The following ZNF532 variants were observed in gnomAD, a reference collection of about 807,000 sequenced individuals.
ZNF532 encodes zinc finger protein 532.
A neutral mutation model predicts 89.3 loss-of-function variants in ZNF532; 22 were observed. The ratio of observed to expected loss-of-function variants is 0.25; its 90% CI spans 0.18 to 0.35. ZNF532 has a LOEUF of 0.35. ZNF532 is among the 10% of genes least tolerant of loss of function. The pLI is 1.00. For missense variants in ZNF532, 1,132 were observed against 1,643.4 expected (o/e 0.69, Z 5.38); for synonymous variants, 606 against 649.6 (o/e 0.93, Z 1.02).
rs1294029746 is a variant in ZNF532, at chr18:58,986,227, T to C, written c.*1761T>C. On this transcript the variant is annotated 3_prime_UTR_variant, in exon 10 of 10. Coordinates refer to ENST00000591808, the MANE Select transcript of ZNF532 (RefSeq NM_001375912.1). ...CTAAGTTGTATTCATAATAGCACTT[T>C]CATATGTTTCTGCATTTGAACCTTG... The C allele has an allele frequency of 1.3e-5, 2 of 152,678 alleles. No individual in the cohort carries two copies. The highest frequency in any genetic ancestry group is 2.4e-5 in the African/African-American group (1 of 41,468). The allele number at this position is 152,678 out of a possible 1,614,324, so 9.5% of individuals were successfully genotyped here. A position where few individuals can be genotyped will look rare whatever the true frequency, so the allele number is the denominator to read the frequency against.
intron 7 of ZNF532, among the ~76,000 whole-genome samples, chr18:58,962,637 C>CT (rs936180478): frequency 4.2e-4 from 62 of 149,338 alleles, no homozygotes; most frequent in African/African-American, 1.5e-3. Context: ...GAGTCTTTCT[C>CT]TGTCGCCCAG....
chr18:58,925,314 A>G (rs2061437855), intron 3 of ZNF532, among the ~76,000 whole-genome samples: 1 of 152,056 alleles, frequency 6.6e-6, no homozygotes, highest in Non-Finnish European at 1.5e-5. Flanking sequence ...ATTTTGATAG[A>G]TGTGTGGTAT....
chr18:58,962,762 C>T (rs560381840), intron 7 of ZNF532, among the ~76,000 whole-genome samples: 159 of 152,230 alleles, frequency 1.0e-3, no homozygotes, highest in Non-Finnish European at 1.7e-3. Flanking sequence ...CCACCACGCC[C>T]GGCTAATTTT....
At chr18:58,891,999 AC>A (rs1483621539) in intron 2 of ZNF532, among the ~76,000 whole-genome samples, 1 of 152,260 alleles carries the variant, frequency 6.6e-6, no homozygotes, top group Non-Finnish European at 1.5e-5. Flanking sequence ...AGGCTGGTTT[AC>A]TGTGAAATCA....
chr18:58,943,770 T>G (rs1338225064), intron 5 of ZNF532, among the ~76,000 whole-genome samples: 1 of 152,196 alleles, frequency 6.6e-6, no homozygotes, highest in Non-Finnish European at 1.5e-5. Context: ...CTATATCTTA[T>G]GGTAATGAAG....
chr18:58,940,276 T>A (rs2062874185), intron 5 of ZNF532: 1 of 152,210 alleles, frequency 6.6e-6, no homozygotes, highest in Non-Finnish European at 1.5e-5. Flanking sequence ...GTTCCTTTTT[T>A]ATAGGGTACA....
chr18:58,877,518 A>C (rs2057527707), intron 2 of ZNF532, among the ~76,000 whole-genome samples: 2 of 152,210 alleles, frequency 1.3e-5, no homozygotes. Context: ...TTCAGTTTTA[A>C]CTTCCCCATC....
chr18:58,877,715 G>A (rs865796268), intron 2 of ZNF532, among the ~76,000 whole-genome samples: 9 of 152,158 alleles, frequency 5.9e-5, no homozygotes, highest in Non-Finnish European at 8.8e-5. Context: ...TGACAGTATC[G>A]GCTCTGGGCC....
intron 2 of ZNF532, among the ~76,000 whole-genome samples, chr18:58,902,805 C>G (rs2059685740): frequency 6.6e-6 from 1 of 152,034 alleles, no homozygotes; most frequent in Admixed American, 6.6e-5. Flanking sequence ...GGTGATCCTT[C>G]TAGTGGCCGA....
At position 58,940,963 on chromosome 18, in the gene ZNF532, T is replaced by TTCTCTCTCTC. The variant is rs140521782; in HGVS notation, c.2705+1361_2705+1370dup. ...ACACACACACACACACACACACTCT[T>TTCTCTCTCTC]TCTCTCTCTCTCTCTCTCTCTCTCT... On this transcript the variant is annotated intron_variant, in intron 5 of 9. Transcript: ENST00000591808. 2.8e-4 allele frequency among the ~76,000 whole-genome samples: 30 copies of TTCTCTCTCTC among 105,358 alleles called. No individual in the cohort carries two copies. In the Middle Eastern group the frequency reaches 0.017, roughly 61 times the overall value. The allele number at this position is 105,358 out of a possible 152,430, so 69.1% of individuals were successfully genotyped here.
At chr18:58,890,547 C>T (rs1243646538) in intron 2 of ZNF532, among the ~76,000 whole-genome samples, 1 of 150,912 alleles carries the variant, frequency 6.6e-6, no homozygotes, top group Admixed American at 6.6e-5. Flanking sequence ...CCGCATTGCT[C>T]TGTTACAGGA....
intron 7 of ZNF532, among the ~76,000 whole-genome samples, chr18:58,956,920 T>C (rs559889346): frequency 2.6e-5 from 4 of 152,224 alleles, no homozygotes; most frequent in Admixed American, 1.3e-4. Context: ...ACCACTCTTA[T>C]AACTTTGCTT....
At chr18:58,940,741 G>A (rs756236614) in intron 5 of ZNF532, among the ~76,000 whole-genome samples, 8 of 152,108 alleles carry the variant, frequency 5.3e-5, no homozygotes, top group Non-Finnish European at 1.0e-4. Context: ...CCCTCCTTGT[G>A]CACACAGCAC....
At chr18:58,911,183 TC>T (rs1453696911) in intron 2 of ZNF532, among the ~76,000 whole-genome samples, 1 of 152,202 alleles carries the variant, frequency 6.6e-6, no homozygotes, top group African/African-American at 2.4e-5. Flanking sequence ...CACCAAGGGT[TC>T]CAGGGTAAGG....
chr18:58,888,707 A>AT (rs2058486474), intron 2 of ZNF532, among the ~76,000 whole-genome samples: 1 of 49,726 alleles, frequency 2.0e-5, no homozygotes. Flanking sequence ...TTATATATAT[A>AT]TATATATATA....
In ZNF532 at chr18:58,920,000, G is replaced by A. The variant is rs753850702; in HGVS notation, c.1713G>A (p.Gln571=). 1.2e-6 allele frequency: 2 copies of A among 1,613,690 alleles called. No individual in the cohort carries two copies. The highest frequency in any genetic ancestry group is 4.5e-5 in the East Asian group (2 of 44,870). ...CCCCCAAAAAGGTGTCTCGAGTCCA[G>A]GTGGTGTCGTCCTTGCAGAGTTCTG... The part of the protein sequence containing the change: ...SQPPKKVSRV[Q]VVSSLQSSVV... The change falls in exon 3 of 10, where the codon CAG becomes CAA. Residue 571 remains glutamine (Q), a synonymous_variant. Transcript: ENST00000591808. This position sits in a 1 kb window ranked among gnomAD's most constrained non-coding sequence, Gnocchi z 6.1.
intron 7 of ZNF532, among the ~76,000 whole-genome samples, chr18:58,963,760 T>C (rs1214117841): frequency 1.4e-5 from 2 of 145,638 alleles, no homozygotes; most frequent in Non-Finnish European, 3.0e-5. Flanking sequence ...AGCTTGAGGC[T>C]GCAGTGAGCC....
In ZNF532 at chr18:58,984,263, T is replaced by C; in HGVS notation, c.3703T>C (p.Ser1235Pro). ...VHKLKEPQPV[S>P]KQNGAGEDNQ... ...CAAGTTAAAGGAACCTCAGCCAGTGTCCAAGCAAAATGGGGCTGGGGAAGA... is the reference window on the plus strand; with the variant it reads ...CAAGTTAAAGGAACCTCAGCCAGTGCCCAAGCAAAATGGGGCTGGGGAAGA... Residue 1235 changes from serine (S) to proline (P), a missense_variant, in exon 10 of 10, where the codon TCC becomes CCC. By Grantham distance (74) the Ser-to-Pro change is moderately conservative (BLOSUM62 -1). Coordinates refer to ENST00000591808, the MANE Select transcript of ZNF532 (RefSeq NM_001375912.1). 2 of 1,611,938 alleles carry C rather than the reference T, an allele frequency of 1.2e-6. No homozygotes were observed. The highest frequency in any genetic ancestry group is 1.7e-6 in the Non-Finnish European group (2 of 1,179,852).
intron 2 of ZNF532, among the ~76,000 whole-genome samples, chr18:58,903,305 A>T (rs1434478818): frequency 6.6e-6 from 1 of 151,416 alleles, no homozygotes; most frequent in East Asian, 1.9e-4. Context: ...CCTGCGAAAA[A>T]CACACGCGGA....
Sources: gnomAD v4.1 joint callset for allele counts (sites outside exome capture counted in the v4.1 genomes callset) on GRCh38, gnomAD v4.1.1 for gene constraint, Gnocchi (gnomAD v3.1) non-coding constraint, MANE v1.5 for transcripts, NCBI Gene and HGNC (gene_info 2026-07-23, HGNC 2026-07-21) for gene names.